CDH12: variants seen among roughly 807,000 people sequenced by gnomAD.
The protein encoded by CDH12 is cadherin 12, also known as cadherin-12.
Under a neutral mutation model 74.1 loss-of-function variants are expected in CDH12, and 41 were observed. The ratio of observed to expected loss-of-function variants is 0.55; its 90% CI spans 0.43 to 0.72. CDH12 has a LOEUF of 0.72. CDH12 is among the 30% of genes least tolerant of loss of function. CDH12 has a pLI of 0.00. For synonymous variants in CDH12, 399 were observed against 355.0 expected, an observed-to-expected ratio of 1.12 and a Z score of -1.39; for missense variants, 945 against 977.2, an observed-to-expected ratio of 0.97 and a Z score of 0.44.
chr5:22,251,865 A>C (rs1359205354), intron 3 of CDH12, among the ~76,000 whole-genome samples: 1 of 152,040 alleles, frequency 6.6e-6, no homozygotes, highest in Non-Finnish European at 1.5e-5. Flanking sequence ...AGCAGAAAAA[A>C]ATATAGATGT....
intron 7 of CDH12, among the ~76,000 whole-genome samples, chr5:21,850,622 T>A (rs539812358): frequency 5.4e-4 from 81 of 150,666 alleles, no homozygotes; most frequent in Non-Finnish European, 9.9e-4. Context: ...TAGGAGGAGG[T>A]TTCGTTGGGA....
chr5:22,146,707 C>T (rs1039392711), intron 4 of CDH12, among the ~76,000 whole-genome samples: 42 of 152,012 alleles, frequency 2.8e-4, no homozygotes, highest in African/African-American at 9.2e-4. Context: ...AAGTGTCCCC[C>T]TATCAAGGCT....
Position 22,014,961 on chromosome 5 carries a change from A to G in CDH12, c.232-39576T>C, listed in dbSNP as rs370450189. Among the ~76,000 whole-genome samples, 5 of 152,156 alleles carry G rather than the reference A, an allele frequency of 3.3e-5. No individual in the cohort carries two copies. The South Asian group carries it at 8.3e-4, about 25-fold the overall frequency. On this transcript the variant is annotated intron_variant, in intron 5 of 14. Coordinates refer to ENST00000382254, the MANE Select transcript of CDH12 (RefSeq NM_004061.5). ...AATATGTATGCATAAGGCCTAGTTG[A>G]TGTAACATTAGTATAGATGCTACAA...
At chr5:22,418,687 C>A (rs1297435998) in intron 2 of CDH12, among the ~76,000 whole-genome samples, 1 of 152,008 alleles carries the variant, frequency 6.6e-6, no homozygotes, top group Non-Finnish European at 1.5e-5. Flanking sequence ...AATTCGAGAC[C>A]AGCCTGGCCA....
At chr5:22,774,221 A>C (rs1474123494) in intron 1 of CDH12, among the ~76,000 whole-genome samples, 1 of 152,168 alleles carries the variant, frequency 6.6e-6, no homozygotes, top group African/African-American at 2.4e-5. Context: ...ATGTGGAATC[A>C]ATCTAGGTGC....
chr5:22,176,499 A>G (rs532246642), intron 4 of CDH12, among the ~76,000 whole-genome samples: 6,208 of 152,060 alleles, frequency 0.041, 421 homozygotes, highest in African/African-American at 0.14. Context: ...ATAAGCCAGC[A>G]GCTTTGTTTC....
At chr5:21,941,932 G>A (rs1470573231) in intron 6 of CDH12, among the ~76,000 whole-genome samples, 6 of 151,982 alleles carry the variant, frequency 3.9e-5, no homozygotes, top group African/African-American at 9.7e-5. Context: ...AAATGTCGAC[G>A]TCCTAATTTC....
intron 2 of CDH12, among the ~76,000 whole-genome samples, chr5:22,449,531 AAT>A (rs1295987776): frequency 6.6e-6 from 1 of 152,064 alleles, no homozygotes; most frequent in Non-Finnish European, 1.5e-5. Flanking sequence ...CCTTACATAA[AAT>A]TTTACAGAGT....
chr5:21,833,201 T>TAAC (rs530153291), intron 8 of CDH12, among the ~76,000 whole-genome samples: 2 of 41,580 alleles, frequency 4.8e-5, no homozygotes, highest in East Asian at 1.2e-3. Context: ...ATATAATATA[T>TAAC]ATATTATAAT....
chr5:22,052,210 T>A (rs1187060868), intron 5 of CDH12, among the ~76,000 whole-genome samples: 1 of 152,104 alleles, frequency 6.6e-6, no homozygotes, highest in African/African-American at 2.4e-5. Flanking sequence ...TTTCTTTGAT[T>A]TTTTTTCTCT....
intron 2 of CDH12, among the ~76,000 whole-genome samples, chr5:22,450,036 T>C (rs1744981176): frequency 6.6e-6 from 1 of 152,054 alleles, no homozygotes; most frequent in Non-Finnish European, 1.5e-5. Flanking sequence ...TACAATAGAT[T>C]AAACACTCTT....
At chr5:22,765,613 A>G (rs745468987) in intron 1 of CDH12, among the ~76,000 whole-genome samples, 2 of 152,014 alleles carry the variant, frequency 1.3e-5, no homozygotes, top group Admixed American at 6.6e-5. Context: ...ATACACTTGG[A>G]TGTGAACACA....
chr5:22,802,872 A>C (rs1312331893), intron 1 of CDH12, among the ~76,000 whole-genome samples: 1 of 152,214 alleles, frequency 6.6e-6, no homozygotes, highest in South Asian at 2.1e-4. Context: ...CGTTTAAAAA[A>C]TTTATTTCTA....
chr5:21,869,620 A>G (rs1648118070), intron 6 of CDH12, among the ~76,000 whole-genome samples: 1 of 152,116 alleles, frequency 6.6e-6, no homozygotes, highest in Non-Finnish European at 1.5e-5. Flanking sequence ...ATATCATAGC[A>G]TTTAAGTTAT....
At chr5:22,635,837 C>T (rs944601212) in intron 1 of CDH12, among the ~76,000 whole-genome samples, 2 of 152,004 alleles carry the variant, frequency 1.3e-5, no homozygotes, top group African/African-American at 4.8e-5. Context: ...CTGCTTGAAC[C>T]CGGAAGGCTG....
intron 1 of CDH12, among the ~76,000 whole-genome samples, chr5:22,511,316 T>C (rs991204365): frequency 6.6e-6 from 1 of 152,204 alleles, no homozygotes; most frequent in Non-Finnish European, 1.5e-5. Flanking sequence ...AGAAAAGCTA[T>C]GTCATTGACT....
rs1736868704 is a variant in CDH12, at chr5:22,601,855, AAACTGGATATACT to A, written c.-522-96504_-522-96492del. On this transcript the variant is annotated intron_variant, in intron 1 of 14. Transcript: ENST00000382254. ...TCTCATTTTCACCTTTGAAAGGAAG[AAACTGGATATACT>A]ACACTGAAGAACAGTGCTGTCTCTA... Among the ~76,000 whole-genome samples the A allele has an allele frequency of 3.3e-5, 5 of 152,170 alleles. No homozygotes were observed. In the South Asian group the frequency reaches 1.0e-3, roughly 32 times the overall value.
At chr5:22,245,564 A>G (rs1752915695) in intron 3 of CDH12, among the ~76,000 whole-genome samples, 1 of 152,130 alleles carries the variant, frequency 6.6e-6, no homozygotes, top group Non-Finnish European at 1.5e-5. Flanking sequence ...TACAAGGACG[A>G]GAGTTTAAAA....
intron 4 of CDH12, among the ~76,000 whole-genome samples, chr5:22,174,574 A>C (rs1352852323): frequency 6.6e-6 from 1 of 151,978 alleles, no homozygotes; most frequent in African/African-American, 2.4e-5. Flanking sequence ...ACATAGCTTT[A>C]GGTAAGAAAT....
Sources: gnomAD v4.1 joint callset for allele counts (sites outside exome capture counted in the v4.1 genomes callset) on GRCh38, gnomAD v4.1.1 for gene constraint, MANE v1.5 for transcripts, NCBI Gene and HGNC (gene_info 2026-07-23, HGNC 2026-07-21) for gene names.